The following UBE2E2 variants were observed in gnomAD, a reference collection of about 807,000 sequenced individuals.
UBE2E2 encodes ubiquitin-conjugating enzyme E2 E2.
Under a neutral mutation model 24.7 loss-of-function variants are expected in UBE2E2, and 6 were observed. The ratio of observed to expected loss-of-function variants is 0.24; its 90% confidence interval spans 0.13 to 0.48. UBE2E2 has a LOEUF of 0.48. UBE2E2 is among the 20% of genes least tolerant of loss of function. The pLI, the probability that UBE2E2 is intolerant of heterozygous loss-of-function variation, is 0.99. For missense variants in UBE2E2, 169 were observed against 245.0 expected (o/e 0.69, Z 2.07); for synonymous variants, 104 against 83.6 (o/e 1.24, Z -1.33).
chr3:23,569,874 T>C (rs1696183224), intron 5 of UBE2E2, among the ~76,000 whole-genome samples: 3 of 152,224 alleles, frequency 2.0e-5, no homozygotes. Context: ...ACAGCCATTG[T>C]ATTTTTACTG....
intron 3 of UBE2E2, among the ~76,000 whole-genome samples, chr3:23,459,595 G>A (rs901588901): frequency 2.6e-5 from 4 of 152,092 alleles, no homozygotes; most frequent in Non-Finnish European, 5.9e-5. Flanking sequence ...ACAGTAGGAG[G>A]GCTATATAAA....
intron 4 of UBE2E2, among the ~76,000 whole-genome samples, chr3:23,503,709 C>T (rs1223529853): frequency 6.6e-6 from 1 of 151,794 alleles, no homozygotes; most frequent in Non-Finnish European, 1.5e-5. Flanking sequence ...CAAAAATTAT[C>T]TGGGCATGGT....
At chr3:23,312,192 T>C (rs994544457) in intron 3 of UBE2E2, among the ~76,000 whole-genome samples, 1 of 152,184 alleles carries the variant, frequency 6.6e-6, no homozygotes, top group Non-Finnish European at 1.5e-5. Context: ...AAAAAGCTGC[T>C]GTGCTTCCTG....
Position 23,217,243 on chromosome 3 carries a change from C to T in UBE2E2, c.177-19C>T. On this transcript the variant is annotated intron_variant, in intron 2 of 5. Transcript: ENST00000396703. ...GTGAAGATATTTTTAACATAATGTT[C>T]TTTGTCTTTATTTTAAAGAATTCAG... 6.2e-7 allele frequency: 1 copy of T among 1,605,416 alleles called. No homozygotes were observed. Among genetic ancestry groups the T allele is most frequent in the Non-Finnish European group, 8.5e-7 (1 of 1,173,172 alleles).
intron 3 of UBE2E2, among the ~76,000 whole-genome samples, chr3:23,258,629 C>A (rs1464219198): frequency 6.6e-6 from 1 of 152,036 alleles, no homozygotes; most frequent in Non-Finnish European, 1.5e-5. Flanking sequence ...TGTGGTGGCT[C>A]ACGCCTATAA....
At chr3:23,520,749 C>T (rs1694845326) in intron 4 of UBE2E2, among the ~76,000 whole-genome samples, 1 of 152,088 alleles carries the variant, frequency 6.6e-6, no homozygotes, top group African/African-American at 2.4e-5. Context: ...CACAAGCTGC[C>T]CTCCTACCTC....
At chr3:23,490,232 A>G (rs945088178) in intron 3 of UBE2E2, among the ~76,000 whole-genome samples, 9 of 152,186 alleles carry the variant, frequency 5.9e-5, no homozygotes, top group Non-Finnish European at 1.3e-4. Flanking sequence ...CTAACAACCT[A>G]TGTATATACA....
chr3:23,226,170 C>T lies in UBE2E2; in HGVS notation c.227+8858C>T, dbSNP rs570445665. 9.2e-5 allele frequency among the ~76,000 whole-genome samples: 14 copies of T among 152,186 alleles called. No individual in the cohort carries two copies. In the South Asian group the frequency reaches 1.7e-3, roughly 18 times the overall value. ...CTGGGTTTACAGGTGTGAGCCACTGCGCCTGGCCGAAAAGTGTATTTTCCA... is the reference window on the plus strand; with the variant it reads ...CTGGGTTTACAGGTGTGAGCCACTGTGCCTGGCCGAAAAGTGTATTTTCCA... On this transcript the variant is annotated intron_variant, in intron 3 of 5. Coordinates refer to ENST00000396703, the MANE Select transcript of UBE2E2 (RefSeq NM_152653.4).
At chr3:23,209,973 C>T (rs1495132) in intron 2 of UBE2E2, among the ~76,000 whole-genome samples, 148 of 152,110 alleles carry the variant, frequency 9.7e-4, no homozygotes, top group African/African-American at 3.3e-3. Flanking sequence ...CTAGACCATG[C>T]TAGGGTGGGG....
chr3:23,590,078 A>AT lies in UBE2E2; in HGVS notation c.*253dup, dbSNP rs199802384. The AT allele has an allele frequency of 7.8e-4, 321 of 413,160 alleles. 6 individuals carry two copies. In the East Asian group the frequency reaches 9.8e-3, roughly 13 times the overall value. The allele number at this position is 413,160 out of a possible 1,614,324, so 25.6% of individuals were successfully genotyped here. A position where few individuals can be genotyped will look rare whatever the true frequency, so the allele number is the denominator to read the frequency against. Reference sequence around the variant, plus strand: ...TTTCTGTTAACTTGAAAGATTTGGGATTTTTTCCCACCTCATCATAGATGG... The same window carrying AT: ...TTTCTGTTAACTTGAAAGATTTGGGATTTTTTTCCCACCTCATCATAGATGG... On this transcript the variant is annotated 3_prime_UTR_variant, in exon 6 of 6. Transcript: ENST00000396703.
intron 3 of UBE2E2, among the ~76,000 whole-genome samples, chr3:23,285,663 T>C (rs993521202): frequency 1.3e-5 from 2 of 152,248 alleles, no homozygotes; most frequent in Non-Finnish European, 2.9e-5. Context: ...GTTTGCCATT[T>C]GTATGTCTTC....
At chr3:23,380,255 T>C (rs900590261) in intron 3 of UBE2E2, among the ~76,000 whole-genome samples, 2 of 152,162 alleles carry the variant, frequency 1.3e-5, no homozygotes, top group Non-Finnish European at 2.9e-5. Flanking sequence ...GGTCTTGCTC[T>C]GTCACTCAGG....
At chr3:23,447,954 C>G (rs60933708) in intron 3 of UBE2E2, among the ~76,000 whole-genome samples, 146 of 152,248 alleles carry the variant, frequency 9.6e-4, no homozygotes, top group African/African-American at 3.1e-3. Flanking sequence ...AACAGCCTTG[C>G]AGCTGCATGT....
intron 3 of UBE2E2, among the ~76,000 whole-genome samples, chr3:23,336,713 T>C (rs1695222825): frequency 1.3e-5 from 2 of 152,178 alleles, no homozygotes; most frequent in South Asian, 4.1e-4. Context: ...TAATGAACTT[T>C]TGAGAAAAAA....
At chr3:23,458,894 C>T (rs1371930827) in intron 3 of UBE2E2, among the ~76,000 whole-genome samples, 1 of 152,124 alleles carries the variant, frequency 6.6e-6, no homozygotes, top group Non-Finnish European at 1.5e-5. Context: ...AATGCAATAT[C>T]TAAGAAGCAC....
intron 3 of UBE2E2, among the ~76,000 whole-genome samples, chr3:23,357,937 G>A (rs921347720): frequency 2.6e-5 from 4 of 152,150 alleles, no homozygotes; most frequent in African/African-American, 4.8e-5. Flanking sequence ...CTCGTCAAGC[G>A]TGATCCTTCT....
intron 3 of UBE2E2, among the ~76,000 whole-genome samples, chr3:23,298,979 C>G (rs1486782815): frequency 6.6e-6 from 1 of 152,126 alleles, no homozygotes; most frequent in African/African-American, 2.4e-5. Context: ...TGTTATTGGT[C>G]TACTCAGAGA....
chr3:23,470,819 T>A (rs1482703052), intron 3 of UBE2E2, among the ~76,000 whole-genome samples: 3 of 84,190 alleles, frequency 3.6e-5, no homozygotes, highest in African/African-American at 1.1e-4. Context: ...TAAAAATATA[T>A]ATATTTTTTT....
At chr3:23,529,166 A>G (rs1195830196) in intron 4 of UBE2E2, among the ~76,000 whole-genome samples, 1 of 152,224 alleles carries the variant, frequency 6.6e-6, no homozygotes, top group Admixed American at 6.5e-5. Flanking sequence ...AACTATGGCT[A>G]TCGCAGGGTA....
Sources: allele counts gnomAD v4.1 joint callset (sites outside exome capture counted in the v4.1 genomes callset), GRCh38; gene constraint gnomAD v4.1.1; transcripts MANE v1.5; gene names NCBI Gene and HGNC (gene_info 2026-07-23, HGNC 2026-07-21).